Variants in CNNM2 observed in about 807,000 individuals in gnomAD.
CNNM2 encodes the protein cyclin and CBS domain divalent metal cation transport mediator 2.
In CNNM2, 12 loss-of-function variants were observed where a neutral mutation model predicts 66.9. The observed-to-expected ratio is 0.18, with a 90% CI of 0.11 to 0.29. The LOEUF (loss-of-function observed/expected upper bound fraction) is 0.29. CNNM2 is among the 10% of genes least tolerant of loss of function. The probability of loss-of-function intolerance (pLI) is 1.00; values close to 1 mark genes in which losing one functional copy is unlikely to be tolerated. For missense variants in CNNM2, 705 were observed against 1,167.7 expected (o/e 0.60, Z 5.77); for synonymous variants, 557 against 501.8 (o/e 1.11, Z -1.47).
At position 103,089,632 on chromosome 10, in the gene CNNM2, G is replaced by A. The variant is rs770473193; in HGVS notation, c.*12452G>A. The A allele has an allele frequency of 2.6e-6, 4 of 1,541,442 alleles. 1 individual carries two copies. Among genetic ancestry groups the A allele is most frequent in the Non-Finnish European group, 2.6e-6 (3 of 1,144,118 alleles). On this transcript the variant is annotated 3_prime_UTR_variant, in exon 8 of 8. Coordinates refer to ENST00000369878, the MANE Select transcript of CNNM2 (RefSeq NM_017649.5). ...TCGTTTGTTCCTGTGAGTCCTGCCA[G>A]GACTTGTTTAATGGGTGCTTGGGGT...
chr10:103,068,133 C>T (rs1264582449), intron 4 of CNNM2, among the ~76,000 whole-genome samples: 1 of 152,204 alleles, frequency 6.6e-6, no homozygotes, highest in Non-Finnish European at 1.5e-5. Flanking sequence ...AAGAGCACCA[C>T]CTTTCCATTG....
intron 1 of CNNM2, among the ~76,000 whole-genome samples, chr10:102,935,113 C>T (rs1006722225): frequency 2.7e-5 from 4 of 147,026 alleles, no homozygotes; most frequent in African/African-American, 7.5e-5. Flanking sequence ...GAGCCGAGAC[C>T]GCGCCATTGC....
At chr10:102,938,889 C>T (rs1053919934) in intron 1 of CNNM2, among the ~76,000 whole-genome samples, 4 of 152,086 alleles carry the variant, frequency 2.6e-5, no homozygotes, top group Non-Finnish European at 5.9e-5. Flanking sequence ...ATGCTTTCCT[C>T]TGAAATATGA....
chr10:103,019,736 A>G (rs1564847704), intron 1 of CNNM2, among the ~76,000 whole-genome samples: 2 of 152,220 alleles, frequency 1.3e-5, no homozygotes, highest in South Asian at 4.1e-4. Context: ...CAATGGAAAT[A>G]TCTAACACAG....
chr10:103,051,937 T>G (rs1188359383), intron 2 of CNNM2, among the ~76,000 whole-genome samples: 1 of 152,102 alleles, frequency 6.6e-6, no homozygotes, highest in African/African-American at 2.4e-5. Flanking sequence ...AGAATATTAT[T>G]TGTACGTTTA....
chr10:103,022,342 C>T (rs1275510265), intron 1 of CNNM2, among the ~76,000 whole-genome samples: 4 of 152,094 alleles, frequency 2.6e-5, no homozygotes, highest in African/African-American at 9.7e-5. Context: ...TGAGGAAGAT[C>T]CTATCATACT....
rs921157601 is a variant in CNNM2, at chr10:103,084,660, CT to C, written c.*7481del. 3 of 152,164 alleles carry C rather than the reference CT, an allele frequency of 2.0e-5. No homozygotes were observed. Among genetic ancestry groups the C allele is most frequent in the African/African-American group, 7.2e-5 (3 of 41,430 alleles). The allele number at this position is 152,164 out of a possible 1,614,324, so 9.4% of individuals were successfully genotyped here. On this transcript the variant is annotated 3_prime_UTR_variant, in exon 8 of 8. Transcript: ENST00000369878. Reference sequence around the variant, plus strand: ...GATGAGATTTGCCTAAAACTCCCCCCTGCATCCTCAGAGTGCGCACACATCC... The same window carrying C: ...GATGAGATTTGCCTAAAACTCCCCCCGCATCCTCAGAGTGCGCACACATCC...
intron 1 of CNNM2, among the ~76,000 whole-genome samples, chr10:102,987,406 C>T (rs758944738): frequency 2.0e-4 from 31 of 152,166 alleles, no homozygotes; most frequent in Non-Finnish European, 3.7e-4. Flanking sequence ...CTGCAAGCTC[C>T]GCCTCCCAGG....
At chr10:102,996,596 C>T (rs1043800632) in intron 1 of CNNM2, among the ~76,000 whole-genome samples, 9 of 152,126 alleles carry the variant, frequency 5.9e-5, no homozygotes, top group Middle Eastern at 3.2e-3. Context: ...TCCTAGTACT[C>T]GGGAGGCCGA....
At chr10:102,990,680 C>A (rs1259591159) in intron 1 of CNNM2, among the ~76,000 whole-genome samples, 1 of 152,176 alleles carries the variant, frequency 6.6e-6, no homozygotes, top group East Asian at 1.9e-4. Context: ...TCATCACTGA[C>A]CACCTATACT....
chr10:103,053,815 C>T (rs898799108), intron 2 of CNNM2, among the ~76,000 whole-genome samples: 1 of 152,072 alleles, frequency 6.6e-6, no homozygotes, highest in African/African-American at 2.4e-5. Context: ...CACTGCTCTG[C>T]GAAAGCATTC....
intron 1 of CNNM2, among the ~76,000 whole-genome samples, chr10:103,049,435 G>T (rs998110244): frequency 6.6e-6 from 1 of 152,162 alleles, no homozygotes; most frequent in African/African-American, 2.4e-5. Flanking sequence ...GAAAGGTTAC[G>T]CAACAAGAGA....
At chr10:102,985,326 T>C (rs1431513582) in intron 1 of CNNM2, among the ~76,000 whole-genome samples, 1 of 152,176 alleles carries the variant, frequency 6.6e-6, no homozygotes, top group Non-Finnish European at 1.5e-5. Flanking sequence ...TTGTCTGATA[T>C]AGCCAAAATT....
chr10:103,044,981 G>C (rs532812065), intron 1 of CNNM2, among the ~76,000 whole-genome samples: 1 of 152,252 alleles, frequency 6.6e-6, no homozygotes, highest in East Asian at 1.9e-4. Flanking sequence ...CTGATTATAC[G>C]GTAGTTACTT....
intron 1 of CNNM2, 59 bp from the exon 2 acceptor site, chr10:103,049,648 T>C: frequency 6.6e-7 from 1 of 1,523,750 alleles, no homozygotes; most frequent in Non-Finnish European, 9.0e-7. Flanking sequence ...ATATCACATA[T>C]AACATGTCAT....
intron 1 of CNNM2, among the ~76,000 whole-genome samples, chr10:103,002,433 G>A (rs998042982): frequency 6.7e-6 from 1 of 149,486 alleles, no homozygotes; most frequent in Admixed American, 6.7e-5. Flanking sequence ...AATAGAAAAA[G>A]ATAACAAGCC....
chr10:103,035,215 T>C (rs1199996095), intron 1 of CNNM2, among the ~76,000 whole-genome samples: 4 of 152,174 alleles, frequency 2.6e-5, no homozygotes, highest in Non-Finnish European at 5.9e-5. Context: ...ATCATTCTTA[T>C]AAACGCTGCA....
chr10:103,074,370 A>G (rs1369411276), intron 6 of CNNM2, among the ~76,000 whole-genome samples: 2 of 152,200 alleles, frequency 1.3e-5, no homozygotes, highest in East Asian at 3.8e-4. Context: ...AAATTGGGTC[A>G]CCTATTCAAA....
chr10:103,079,324 T>G lies in CNNM2; in HGVS notation c.*2144T>G, dbSNP rs1004135193. On this transcript the variant is annotated 3_prime_UTR_variant, in exon 8 of 8. Coordinates refer to ENST00000369878, the MANE Select transcript of CNNM2 (RefSeq NM_017649.5). Reference sequence around the variant, plus strand: ...GGGTCTGCGCAGTGCTGGCCTTCCCTGAGCTGTGGGGAGCCAAGCCTGCCT... The same window carrying G: ...GGGTCTGCGCAGTGCTGGCCTTCCCGGAGCTGTGGGGAGCCAAGCCTGCCT... 1 of 152,298 alleles carries G rather than the reference T, an allele frequency of 6.6e-6. No individual in the cohort carries two copies. The highest frequency in any genetic ancestry group is 2.4e-5 in the African/African-American group (1 of 41,464). The allele number at this position is 152,298 out of a possible 1,614,324, so 9.4% of individuals were successfully genotyped here. A position where few individuals can be genotyped will look rare whatever the true frequency, so the allele number is the denominator to read the frequency against.
Sources: allele counts gnomAD v4.1 joint callset (sites outside exome capture counted in the v4.1 genomes callset), GRCh38; gene constraint gnomAD v4.1.1; transcripts MANE v1.5; gene names NCBI Gene and HGNC (gene_info 2026-07-23, HGNC 2026-07-21).